Variants in ATXN1 observed in about 807,000 individuals in gnomAD.
ATXN1 encodes the protein ataxin 1, also known as ataxin-1.
In ATXN1, 8 loss-of-function variants were observed where a neutral mutation model predicts 56.4. The observed-to-expected ratio is 0.14, with a 90% CI of 0.08 to 0.26. The LOEUF (loss-of-function observed/expected upper bound fraction) is 0.26. ATXN1 is among the 10% of genes least tolerant of loss of function. ATXN1 has a pLI of 1.00. For synonymous variants in ATXN1, 514 were observed against 494.6 expected (o/e 1.04, Z -0.52); for missense variants, 987 against 1,106.5 (o/e 0.89, Z 1.53).
At chr6:16,660,398 T>C (rs1758291395) in intron 2 of ATXN1, among the ~76,000 whole-genome samples, 1 of 152,356 alleles carries the variant, frequency 6.6e-6, no homozygotes, top group African/African-American at 2.4e-5. Context: ...TCCAATTTGA[T>C]AGACATTTTG....
chr6:16,711,213 C>T (rs1759515526), intron 2 of ATXN1, among the ~76,000 whole-genome samples: 1 of 152,170 alleles, frequency 6.6e-6, no homozygotes, highest in East Asian at 1.9e-4. Context: ...TTGTTTCATA[C>T]ATTTTAATAA....
chr6:16,685,675 A>G (rs749597818), intron 2 of ATXN1, among the ~76,000 whole-genome samples: 10 of 152,210 alleles, frequency 6.6e-5, no homozygotes, highest in African/African-American at 2.4e-4. Context: ...ACATGTTTAC[A>G]GGTAATAAAA....
intron 6 of ATXN1, among the ~76,000 whole-genome samples, chr6:16,394,822 T>A: frequency 6.6e-6 from 1 of 152,178 alleles, no homozygotes; most frequent in East Asian, 1.9e-4. Flanking sequence ...CATTTATGAC[T>A]GCATTTTCCA....
At chr6:16,423,112 CT>C (rs545598449) in intron 6 of ATXN1, among the ~76,000 whole-genome samples, 208 of 152,268 alleles carry the variant, frequency 1.4e-3, no homozygotes, top group Middle Eastern at 6.8e-3. Context: ...ATACATTTCA[CT>C]TGTTAGCCAT....
intron 3 of ATXN1, among the ~76,000 whole-genome samples, chr6:16,620,829 C>T (rs542800889): frequency 2.0e-5 from 3 of 152,308 alleles, no homozygotes; most frequent in Non-Finnish European, 2.9e-5. Context: ...CCACCTACTC[C>T]GCTGGCCAGC....
chr6:16,531,904 T>C (rs1248190344), intron 4 of ATXN1, among the ~76,000 whole-genome samples: 1 of 152,230 alleles, frequency 6.6e-6, no homozygotes, highest in Non-Finnish European at 1.5e-5. Context: ...CTACATTATA[T>C]ATACGGTTCT....
intron 5 of ATXN1, among the ~76,000 whole-genome samples, chr6:16,499,287 A>G (rs1338076849): frequency 1.3e-5 from 2 of 152,186 alleles, no homozygotes; most frequent in Non-Finnish European, 2.9e-5. Context: ...TTGAGTATGA[A>G]GTGATTTTAG....
intron 5 of ATXN1, among the ~76,000 whole-genome samples, chr6:16,490,922 G>A (rs1760646656): frequency 6.6e-6 from 1 of 152,044 alleles, no homozygotes; most frequent in Non-Finnish European, 1.5e-5. Flanking sequence ...TGAGACCACG[G>A]GAGCATGATG....
At chr6:16,610,153 TAG>T (rs1763078392) in intron 3 of ATXN1, among the ~76,000 whole-genome samples, 1 of 151,870 alleles carries the variant, frequency 6.6e-6, no homozygotes, top group Non-Finnish European at 1.5e-5. Context: ...GAAGCCAACA[TAG>T]AGATAGCATG....
chr6:16,718,448 A>G (rs1169973918), intron 2 of ATXN1, among the ~76,000 whole-genome samples: 2 of 152,186 alleles, frequency 1.3e-5, no homozygotes, highest in Non-Finnish European at 2.9e-5. Flanking sequence ...GACATAATTC[A>G]TTTTTCTCCT....
intron 5 of ATXN1, among the ~76,000 whole-genome samples, chr6:16,510,415 T>C (rs761446033): frequency 6.6e-6 from 1 of 152,172 alleles, no homozygotes; most frequent in Non-Finnish European, 1.5e-5. Context: ...ACATAACTCA[T>C]TCAAAGATCA....
chr6:16,759,592 C>T (rs1030753536), intron 1 of ATXN1, among the ~76,000 whole-genome samples: 16 of 119,310 alleles, frequency 1.3e-4, no homozygotes, highest in Admixed American at 5.5e-4. Context: ...TCCCTCTTCT[C>T]AAATATTTAT....
intron 6 of ATXN1, among the ~76,000 whole-genome samples, chr6:16,329,641 C>T (rs1254693161): frequency 1.3e-5 from 2 of 152,184 alleles, no homozygotes; most frequent in African/African-American, 4.8e-5. Flanking sequence ...TCTTCCTTTT[C>T]AAGTTGTCAT....
At chr6:16,631,618 T>C (rs1041418282) in intron 3 of ATXN1, among the ~76,000 whole-genome samples, 1 of 152,180 alleles carries the variant, frequency 6.6e-6, no homozygotes, top group Non-Finnish European at 1.5e-5. Flanking sequence ...CCACTCCTCA[T>C]TCACATCCTT....
intron 6 of ATXN1, among the ~76,000 whole-genome samples, chr6:16,455,133 C>T (rs1468037299): frequency 6.6e-6 from 1 of 152,138 alleles, no homozygotes; most frequent in Non-Finnish European, 1.5e-5. Flanking sequence ...GAGAGCATCT[C>T]TACAAGTAAC....
intron 6 of ATXN1, among the ~76,000 whole-genome samples, chr6:16,402,248 T>TG (rs1758590691): frequency 3.2e-5 from 1 of 31,724 alleles, no homozygotes; most frequent in Non-Finnish European, 6.1e-5. Context: ...GACAGTTTTT[T>TG]TTTTTTTTTT....
intron 7 of ATXN1, among the ~76,000 whole-genome samples, chr6:16,314,568 C>G (rs1392518370): frequency 6.6e-6 from 1 of 151,974 alleles, no homozygotes; most frequent in Non-Finnish European, 1.5e-5. Flanking sequence ...AATTTAAAAC[C>G]CATATGGGTA....
intron 6 of ATXN1, among the ~76,000 whole-genome samples, chr6:16,345,711 C>T (rs1345540601): frequency 6.6e-6 from 1 of 152,064 alleles, no homozygotes; most frequent in Non-Finnish European, 1.5e-5. Flanking sequence ...CCAAGATGGC[C>T]CCGAGTTGTT....
At chr6:16,357,906 T>C (rs751865241) in intron 6 of ATXN1, among the ~76,000 whole-genome samples, 1 of 152,136 alleles carries the variant, frequency 6.6e-6, no homozygotes, top group Non-Finnish European at 1.5e-5. Flanking sequence ...TTAATAAAGA[T>C]AGTAAGACCC....
Sources: allele counts gnomAD v4.1 joint callset (sites outside exome capture counted in the v4.1 genomes callset), GRCh38; gene constraint gnomAD v4.1.1; transcripts MANE v1.5; gene names NCBI Gene and HGNC (gene_info 2026-07-23, HGNC 2026-07-21).